TBC1D22A: variants seen among roughly 807,000 people sequenced by gnomAD.
The protein encoded by TBC1D22A is putative GTPase activator.
Under a neutral mutation model 60.2 loss-of-function variants are expected in TBC1D22A, and 38 were observed. That is an observed-to-expected ratio of 0.63 (90% CI 0.49 to 0.83). The LOEUF (loss-of-function observed/expected upper bound fraction) is 0.83, where lower values mean the gene tolerates loss of function less well. Ranked by LOEUF, TBC1D22A falls within the 40% of genes least tolerant of loss-of-function variation. TBC1D22A has a pLI of 0.00. For synonymous variants in TBC1D22A, 302 were observed against 281.7 expected, an observed-to-expected ratio of 1.07 and a Z score of -0.72; for missense variants, 628 against 701.0, an observed-to-expected ratio of 0.90 and a Z score of 1.18.
chr22:47,058,500 C>T (rs959633643), intron 11 of TBC1D22A, among the ~76,000 whole-genome samples: 2 of 152,054 alleles, frequency 1.3e-5, no homozygotes, highest in Non-Finnish European at 2.9e-5. Context: ...AGCATTAGAG[C>T]CCTCCTTCCC....
At chr22:47,129,591 C>G (rs549812748) in intron 12 of TBC1D22A, among the ~76,000 whole-genome samples, 2 of 152,322 alleles carry the variant, frequency 1.3e-5, no homozygotes, top group Admixed American at 1.3e-4. Context: ...ACAAATCTAG[C>G]CATTTTCCTG....
intron 4 of TBC1D22A, among the ~76,000 whole-genome samples, chr22:46,842,027 A>T (rs1235190584): frequency 6.6e-6 from 1 of 152,240 alleles, no homozygotes; most frequent in Admixed American, 6.5e-5. Context: ...TATTCCTGGT[A>T]TCCCTAATAA....
At chr22:46,768,484 C>CAAAAAA (rs3083471) in intron 1 of TBC1D22A, among the ~76,000 whole-genome samples, 4 of 80,350 alleles carry the variant, frequency 5.0e-5, no homozygotes, top group East Asian at 3.9e-4. Context: ...GACTCTGTCT[C>CAAAAAA]AAAAAAAAAA....
At chr22:46,879,246 G>GGCTGCCGCAGCTCTGGCGCTCA (rs1294842552) in intron 5 of TBC1D22A, among the ~76,000 whole-genome samples, 2 of 151,852 alleles carry the variant, frequency 1.3e-5, no homozygotes, top group Non-Finnish European at 1.5e-5. Context: ...GTGGAGTTCT[G>GGCTGCCGCAGCTCTGGCGCTCA]GCTGCCGCAG....
intron 11 of TBC1D22A, among the ~76,000 whole-genome samples, chr22:47,064,774 C>T (rs576647750): frequency 6.6e-6 from 1 of 152,292 alleles, no homozygotes; most frequent in South Asian, 2.1e-4. Flanking sequence ...TACTCAGGAT[C>T]GCTGGCCCAT....
At chr22:46,920,367 C>G (rs1300901487) in intron 8 of TBC1D22A, among the ~76,000 whole-genome samples, 1 of 151,348 alleles carries the variant, frequency 6.6e-6, no homozygotes, top group Non-Finnish European at 1.5e-5. Flanking sequence ...GCACGAGCCA[C>G]TGTGCCTAGC....
At chr22:46,946,217 G>A (rs112798089) in intron 8 of TBC1D22A, among the ~76,000 whole-genome samples, 271 of 152,348 alleles carry the variant, frequency 1.8e-3, no homozygotes, top group African/African-American at 6.2e-3. Context: ...TCATCCAGCC[G>A]GTGTGACAGT....
At chr22:46,841,510 C>T (rs188513790) in intron 4 of TBC1D22A, among the ~76,000 whole-genome samples, 5 of 152,240 alleles carry the variant, frequency 3.3e-5, no homozygotes, top group Non-Finnish European at 2.9e-5. Context: ...TATTATTCAC[C>T]CTTAAAAAAG....
chr22:46,798,938 T>C (rs529063238), intron 4 of TBC1D22A, among the ~76,000 whole-genome samples: 1 of 152,202 alleles, frequency 6.6e-6, no homozygotes, highest in East Asian at 1.9e-4. Flanking sequence ...GCTGAAGCTG[T>C]GTTCTCGAGG....
chr22:47,092,217 C>T (rs2065004854), intron 11 of TBC1D22A, among the ~76,000 whole-genome samples: 1 of 152,140 alleles, frequency 6.6e-6, no homozygotes. Flanking sequence ...TCAGGAGTCC[C>T]TGTGGGGAAG....
intron 10 of TBC1D22A, among the ~76,000 whole-genome samples, chr22:46,999,399 G>C (rs569951321): frequency 2.6e-5 from 4 of 152,306 alleles, no homozygotes; most frequent in Admixed American, 6.5e-5. Flanking sequence ...GTGTGTTGCC[G>C]TTGAGAGGTT....
chr22:46,894,274 G>A (rs1569184974), intron 6 of TBC1D22A, among the ~76,000 whole-genome samples: 1 of 152,258 alleles, frequency 6.6e-6, no homozygotes, highest in Middle Eastern at 3.4e-3. Context: ...GATGTCAGAC[G>A]GTGGCCAAGC....
intron 7 of TBC1D22A, among the ~76,000 whole-genome samples, chr22:46,902,961 A>AC (rs2069113339): frequency 6.6e-6 from 1 of 150,954 alleles, no homozygotes; most frequent in Non-Finnish European, 1.5e-5. Context: ...GGCTGAAAGA[A>AC]TTGGAGAAGA....
At chr22:47,111,372 G>A in intron 11 of TBC1D22A, 136 bp from the exon 12 acceptor site, 1 of 698,010 alleles carries the variant, frequency 1.4e-6, no homozygotes, top group Non-Finnish European at 2.4e-6. Context: ...AAGGCATTAA[G>A]TAAAAGTGAG....
At chr22:46,774,238 G>T (rs1403386207) in intron 1 of TBC1D22A, 18 of 985,486 alleles carry the variant, frequency 1.8e-5, no homozygotes, top group Non-Finnish European at 2.2e-5. Flanking sequence ...GGAGTGAGGT[G>T]AGCAGCTTGT....
intron 11 of TBC1D22A, among the ~76,000 whole-genome samples, chr22:47,051,588 G>A (rs1467595966): frequency 6.6e-6 from 1 of 152,140 alleles, no homozygotes; most frequent in Non-Finnish European, 1.5e-5. Flanking sequence ...GGCTGGGCCA[G>A]CCATGCTTTT....
At chr22:47,134,377 G>A (rs767723544) in intron 12 of TBC1D22A, among the ~76,000 whole-genome samples, 3 of 152,220 alleles carry the variant, frequency 2.0e-5, no homozygotes, top group Non-Finnish European at 2.9e-5. Context: ...AACAAATGAC[G>A]CCGGCCTGAG....
rs146779457 is a variant in TBC1D22A at position 47,090,836 on chromosome 22, CACGAGA to C, written c.1330-20670_1330-20665del. Among the ~76,000 whole-genome samples, 107 of 128,846 alleles carry C rather than the reference CACGAGA, an allele frequency of 8.3e-4. 1 individual carries two copies. The East Asian group carries it at 0.02, about 24-fold the overall frequency. The allele number at this position is 128,846 out of a possible 152,430, so 84.5% of individuals were successfully genotyped here. A position where few individuals can be genotyped will look rare whatever the true frequency, so the allele number is the denominator to read the frequency against. On this transcript the variant is annotated intron_variant, in intron 11 of 12. Transcript: ENST00000337137. The stretch of plus-strand genomic sequence containing the variant: ...GTGGCTGCTTGTTGATAGAGACGGG[CACGAGA>C]AGTCGTCTTTGGGGGGAGTGGCCTC...
intron 12 of TBC1D22A, among the ~76,000 whole-genome samples, chr22:47,156,377 C>T (rs576159802): frequency 3.7e-4 from 56 of 152,316 alleles, no homozygotes; most frequent in African/African-American, 1.3e-3. Flanking sequence ...TCCAGTGGCT[C>T]GAGAGGGCAG....
Sources: allele counts gnomAD v4.1 joint callset (sites outside exome capture counted in the v4.1 genomes callset), GRCh38; gene constraint gnomAD v4.1.1; transcripts MANE v1.5; gene names NCBI Gene and HGNC (gene_info 2026-07-23, HGNC 2026-07-21).